Variants in STARD13 observed in about 807,000 individuals in gnomAD.
STARD13 encodes the protein stAR-related lipid transfer protein 13.
In STARD13, 62 loss-of-function variants were observed where a neutral mutation model predicts 106.4. The ratio of observed to expected loss-of-function variants is 0.58; its 90% CI spans 0.48 to 0.72. STARD13 has a LOEUF of 0.72. STARD13 is among the 30% of genes least tolerant of loss of function. STARD13 has a pLI of 0.00. For missense variants in STARD13, 1,387 were observed against 1,424.0 expected, an observed-to-expected ratio of 0.97 and a Z score of 0.42; for synonymous variants, 565 against 553.0, an observed-to-expected ratio of 1.02 and a Z score of -0.31.
At chr13:33,359,432 C>G in the STARD13 span, 2 of 173,880 alleles carry the variant, frequency 1.2e-5, no homozygotes, top group Admixed American at 1.3e-4. Context: ...GGACAGACTC[C>G]CGACACGCCA....
intron 3 of STARD13, among the ~76,000 whole-genome samples, chr13:33,146,433 G>A (rs548301012): frequency 3.3e-5 from 5 of 152,290 alleles, no homozygotes; most frequent in African/African-American, 1.2e-4. Flanking sequence ...GCAGTGAGCT[G>A]AGACCACGCC....
At chr13:33,361,010 G>A in the STARD13 span, among the ~76,000 whole-genome samples, 1 of 140,060 alleles carries the variant, frequency 7.1e-6, no homozygotes, top group Non-Finnish European at 1.5e-5. Flanking sequence ...TTTTCACCGC[G>A]TTAGCCAGGA....
In STARD13 at chr13:33,167,571, T is replaced by C; in HGVS notation, c.221A>G (p.Gln74Arg). The C allele has an allele frequency of 6.2e-7, 1 of 1,614,208 alleles. No homozygotes were observed. Among genetic ancestry groups the C allele is most frequent in the Non-Finnish European group, 8.5e-7 (1 of 1,180,030 alleles). ...CDWLRAAGFPQYAQLYEDSQF... is the reference protein window; with the variant it reads ...CDWLRAAGFPRYAQLYEDSQF... ...CGTACCCTCATATAACTGAGCGTATTGCGGGAACCCGGCAGCACGGAGCCA... is the reference window on the plus strand; with the variant it reads ...CGTACCCTCATATAACTGAGCGTATCGCGGGAACCCGGCAGCACGGAGCCA... Residue 74 changes from glutamine to arginine, a missense_variant, in exon 2 of 14, where the codon CAA becomes CGA. Coordinates refer to ENST00000336934, the MANE Select transcript of STARD13 (RefSeq NM_178006.4).
rs542577064 is a variant in STARD13, at chr13:33,246,410, A to G, written c.169+39060T>C. On this transcript the variant is annotated intron_variant, in intron 1 of 13. Coordinates refer to ENST00000336934, the MANE Select transcript of STARD13 (RefSeq NM_178006.4). The stretch of plus-strand genomic sequence containing the variant: ...GTCCACCTGAGCTTCTCAGGGCTGT[A>G]TCTTTGTCTAAGTCTGTATGTCTAG... 1.2e-4 allele frequency among the ~76,000 whole-genome samples: 18 copies of G among 152,336 alleles called. 1 individual carries two copies. The South Asian group carries it at 3.7e-3, about 32-fold the overall frequency.
At chr13:33,436,106 GAGGA>G in the STARD13 span, among the ~76,000 whole-genome samples, 1 of 152,164 alleles carries the variant, frequency 6.6e-6, no homozygotes, top group Admixed American at 6.5e-5. Flanking sequence ...ATAGCTCTTG[GAGGA>G]AGGTTGAATA....
chr13:33,539,380 A>T, the STARD13 span, among the ~76,000 whole-genome samples: 332 of 152,348 alleles, frequency 2.2e-3, 1 homozygote, highest in Non-Finnish European at 2.8e-3. Context: ...ATCCCAGCAG[A>T]TGTTTTTAGA....
At chr13:33,340,971 G>C (rs2077953180) in intron 1 of STARD13, among the ~76,000 whole-genome samples, 1 of 152,090 alleles carries the variant, frequency 6.6e-6, no homozygotes, top group Non-Finnish European at 1.5e-5. Context: ...CTATTTCATG[G>C]CTCAATAAAT....
chr13:33,260,874 A>G (rs549511966), intron 1 of STARD13, among the ~76,000 whole-genome samples: 7 of 152,340 alleles, frequency 4.6e-5, no homozygotes, highest in Middle Eastern at 3.4e-3. Flanking sequence ...AGGAAATCTG[A>G]TAAGTTCAAG....
chr13:33,316,726 C>T (rs1893354806), intron 1 of STARD13, among the ~76,000 whole-genome samples: 1 of 152,162 alleles, frequency 6.6e-6, no homozygotes. Flanking sequence ...GCATGTACTA[C>T]AGCACCTTGC....
At chr13:33,446,497 C>A in the STARD13 span, among the ~76,000 whole-genome samples, 3 of 151,608 alleles carry the variant, frequency 2.0e-5, no homozygotes, top group Admixed American at 6.6e-5. Context: ...TTTGTTTAAT[C>A]TTCCCTGATT....
At chr13:33,583,948 T>C in the STARD13 span, among the ~76,000 whole-genome samples, 5 of 152,168 alleles carry the variant, frequency 3.3e-5, no homozygotes, top group Admixed American at 2.6e-4. Context: ...TACCTGTTTG[T>C]GTCCCTGCCT....
intron 1 of STARD13, among the ~76,000 whole-genome samples, chr13:33,251,007 G>A (rs1170105800): frequency 6.6e-6 from 1 of 152,182 alleles, no homozygotes; most frequent in Non-Finnish European, 1.5e-5. Flanking sequence ...GATAAGGAAG[G>A]GAAGGGAAGG....
rs1889415585 is a variant in STARD13, at chr13:33,240,425, T to A, written c.169+45045A>T. 2.0e-5 allele frequency among the ~76,000 whole-genome samples: 3 copies of A among 152,130 alleles called. No homozygotes were observed. The South Asian group carries it at 6.2e-4, about 32-fold the overall frequency. On this transcript the variant is annotated intron_variant, in intron 1 of 13. Coordinates refer to ENST00000336934, the MANE Select transcript of STARD13 (RefSeq NM_178006.4). ...TTTCTACTTCTGCAAAATAAAAAAA[T>A]CCCATTGGGATTTTGATAGGTATTG...
At chr13:33,374,793 T>C in the STARD13 span, among the ~76,000 whole-genome samples, 3 of 152,198 alleles carry the variant, frequency 2.0e-5, no homozygotes, top group South Asian at 6.2e-4. Flanking sequence ...GATTTCTCCT[T>C]GTTAGGCTAC....
the STARD13 span, among the ~76,000 whole-genome samples, chr13:33,473,491 A>G: frequency 2.6e-5 from 4 of 152,180 alleles, no homozygotes; most frequent in East Asian, 1.9e-4. Flanking sequence ...GCCAGTAAAG[A>G]GTATTGTTGC....
At chr13:33,228,411 A>G (rs1888729194) in intron 1 of STARD13, among the ~76,000 whole-genome samples, 2 of 152,218 alleles carry the variant, frequency 1.3e-5, no homozygotes, top group Non-Finnish European at 2.9e-5. Context: ...TTGATAAAAA[A>G]TGAATTAAGA....
At chr13:33,303,551 T>G (rs905916780) in intron 1 of STARD13, among the ~76,000 whole-genome samples, 3 of 152,164 alleles carry the variant, frequency 2.0e-5, no homozygotes, top group African/African-American at 7.2e-5. Context: ...GAAGTTTTGA[T>G]TGACAGATGA....
the STARD13 span, among the ~76,000 whole-genome samples, chr13:33,416,420 G>A: frequency 6.6e-6 from 1 of 152,332 alleles, no homozygotes; most frequent in Non-Finnish European, 1.5e-5. Flanking sequence ...AGATAGACTG[G>A]AAGTGTGCAG....
At chr13:33,401,096 C>A in the STARD13 span, among the ~76,000 whole-genome samples, 1 of 152,150 alleles carries the variant, frequency 6.6e-6, no homozygotes, top group Non-Finnish European at 1.5e-5. Flanking sequence ...TGGGACACCC[C>A]TCCAGCAAAG....
Sources: gnomAD v4.1 joint callset for allele counts (sites outside exome capture counted in the v4.1 genomes callset) on GRCh38, gnomAD v4.1.1 for gene constraint, MANE v1.5 for transcripts, NCBI Gene and HGNC (gene_info 2026-07-23, HGNC 2026-07-21) for gene names.